The following DTHD1 variants were observed in gnomAD, a reference collection of about 807,000 sequenced individuals.
DTHD1 encodes the protein death domain containing 1, also known as death domain-containing protein 1.
A neutral mutation model predicts 74.8 loss-of-function variants in DTHD1; 59 were observed. The ratio of observed to expected loss-of-function variants is 0.79; its 90% confidence interval spans 0.64 to 0.98. The LOEUF (loss-of-function observed/expected upper bound fraction) is 0.98, where lower values mean the gene tolerates loss of function less well. Ranked by LOEUF, DTHD1 falls within the 50% of genes least tolerant of loss-of-function variation. The pLI, the probability that DTHD1 is intolerant of heterozygous loss-of-function variation, is 0.00. For missense variants in DTHD1, 1,051 were observed against 1,065.4 expected (o/e 0.99, Z 0.19); for synonymous variants, 365 against 371.1 (o/e 0.98, Z 0.19).
intron 1 of DTHD1, among the ~76,000 whole-genome samples, chr4:36,282,552 T>A (rs962243507): frequency 1.3e-5 from 2 of 152,180 alleles, no homozygotes; most frequent in African/African-American, 4.8e-5. Context: ...TGGATCCCCA[T>A]GCACTGGGGC....
chr4:36,287,093 C>T (rs538321690), intron 2 of DTHD1, among the ~76,000 whole-genome samples: 2 of 152,142 alleles, frequency 1.3e-5, no homozygotes, highest in South Asian at 4.1e-4. Context: ...GCAGTGTACA[C>T]TGTACCCAAT....
intron 8 of DTHD1, among the ~76,000 whole-genome samples, chr4:36,335,326 T>A (rs1278133802): frequency 6.6e-6 from 1 of 152,036 alleles, no homozygotes; most frequent in Non-Finnish European, 1.5e-5. Flanking sequence ...CAGGCTCAGG[T>A]GATCCTCCTC....
At chr4:36,317,111 C>T (rs1456607512) in intron 8 of DTHD1, among the ~76,000 whole-genome samples, 3 of 152,128 alleles carry the variant, frequency 2.0e-5, no homozygotes, top group African/African-American at 7.2e-5. Flanking sequence ...GAGGTAAAAA[C>T]AAACTTCTTA....
chr4:36,325,095 G>A (rs1758266207), intron 8 of DTHD1, among the ~76,000 whole-genome samples: 1 of 152,190 alleles, frequency 6.6e-6, no homozygotes, highest in Non-Finnish European at 1.5e-5. Context: ...TGTCATGTTG[G>A]AAATAAGCTG....
chr4:36,290,357 CT>C lies in DTHD1; in HGVS notation c.888-11del, dbSNP rs1353798168. 6.5e-7 allele frequency: 1 copy of C among 1,529,378 alleles called. No homozygotes were observed. The highest frequency in any genetic ancestry group is 8.8e-7 in the Non-Finnish European group (1 of 1,134,940). The allele number at this position is 1,529,378 out of a possible 1,614,324, so 94.7% of individuals were successfully genotyped here. Reference sequence around the variant, plus strand: ...ATCAAATAATTGGAAAAATGACATTCTTTTTCCCCCTCCAGGTATCTTGATG... The same window carrying C: ...ATCAAATAATTGGAAAAATGACATTCTTTTCCCCCTCCAGGTATCTTGATG... On this transcript the variant is annotated splice_polypyrimidine_tract_variant and intron_variant, in intron 2 of 9. Coordinates refer to ENST00000639862, the MANE Select transcript of DTHD1 (RefSeq NM_001170700.3).
chr4:36,325,747 G>A (rs1366188008), intron 8 of DTHD1, among the ~76,000 whole-genome samples: 1 of 152,170 alleles, frequency 6.6e-6, no homozygotes, highest in Non-Finnish European at 1.5e-5. Flanking sequence ...CTACTGTCCT[G>A]TGATATAATA....
intron 4 of DTHD1, among the ~76,000 whole-genome samples, chr4:36,294,550 T>C (rs1378861152): frequency 1.3e-5 from 2 of 152,008 alleles, no homozygotes; most frequent in Non-Finnish European, 2.9e-5. Context: ...GTCTGTTTCT[T>C]AGTTATTTAT....
intron 7 of DTHD1, among the ~76,000 whole-genome samples, chr4:36,309,885 C>T (rs1412122385): frequency 3.3e-5 from 5 of 152,176 alleles, no homozygotes; most frequent in Non-Finnish European, 5.9e-5. Flanking sequence ...TCTCCAGTTT[C>T]TATTGTTGCC....
At chr4:36,289,312 G>C (rs1438082486) in intron 2 of DTHD1, among the ~76,000 whole-genome samples, 1 of 152,118 alleles carries the variant, frequency 6.6e-6, no homozygotes, top group African/African-American at 2.4e-5. Context: ...ATTATTGTAA[G>C]TTTAAATGTT....
Position 36,345,571 on chromosome 4 carries a change from C to T in DTHD1, c.*1747C>T, listed in dbSNP as rs537695180. The T allele has an allele frequency of 4.6e-5, 7 of 152,138 alleles. No individual in the cohort carries two copies. Among genetic ancestry groups the T allele is most frequent in the South Asian group, 2.1e-4 (1 of 4,818 alleles). 9.4% of individuals were successfully genotyped at this position (152,138 alleles called of 1,614,324 possible). ...CTATTCAGGTATATATCAAAAAAGG[C>T]GATTCCCATTTTCAAACATAGTCCC... On this transcript the variant is annotated 3_prime_UTR_variant, in exon 10 of 10. Coordinates refer to ENST00000639862, the MANE Select transcript of DTHD1 (RefSeq NM_001170700.3).
chr4:36,313,428 A>T (rs1757515175), intron 7 of DTHD1, among the ~76,000 whole-genome samples: 1 of 151,716 alleles, frequency 6.6e-6, no homozygotes, highest in Non-Finnish European at 1.5e-5. Context: ...AAAAAAAAAA[A>T]AAAACAGAGT....
intron 5 of DTHD1, among the ~76,000 whole-genome samples, chr4:36,300,493 C>T (rs571993473): frequency 6.6e-6 from 1 of 152,234 alleles, no homozygotes; most frequent in South Asian, 2.1e-4. Flanking sequence ...TAGCTGCAAC[C>T]CTGACTTCAC....
At chr4:36,320,708 C>T (rs144805856) in intron 8 of DTHD1, among the ~76,000 whole-genome samples, 5 of 152,266 alleles carry the variant, frequency 3.3e-5, no homozygotes, top group African/African-American at 9.6e-5. Flanking sequence ...GAAACTATGA[C>T]ATTTAGTTTT....
At chr4:36,282,063 T>C in intron 1 of DTHD1, 34 bp downstream of exon 1, 1 of 1,493,814 alleles carries the variant, frequency 6.7e-7, no homozygotes, top group Non-Finnish European at 9.0e-7. Context: ...ATTCTTTCTC[T>C]AAGAAATATT....
chr4:36,323,946 C>T (rs960362029), intron 8 of DTHD1, among the ~76,000 whole-genome samples: 1 of 152,112 alleles, frequency 6.6e-6, no homozygotes, highest in Non-Finnish European at 1.5e-5. Flanking sequence ...ACATGTTATC[C>T]TCATGTCTGC....
Position 36,306,328 on chromosome 4 carries a change from T to C in DTHD1, c.1781T>C (p.Val594Ala). The change falls in exon 6 of 10, where the codon GTT (valine) becomes GCT (alanine). Residue 594 changes from valine (V) to alanine (A), a missense_variant. Val to Ala is a moderately conservative substitution (Grantham distance 64). Transcript: ENST00000639862. Reference protein sequence around the residue: ...VKTIQSGLVSVELYEHLERFI... With the variant: ...VKTIQSGLVSAELYEHLERFI... ...ACCATACAGAGCGGCTTGGTATCAG[T>C]TGAATTGTATGAACATTTGGAGAGG... The C allele has an allele frequency of 1.3e-6, 2 of 1,550,250 alleles. No homozygotes were observed. The highest frequency in any genetic ancestry group is 1.7e-6 in the Non-Finnish European group (2 of 1,146,270).
At chr4:36,339,025 G>A (rs1055075891) in intron 8 of DTHD1, 87 bp from the exon 9 acceptor site, 23 of 1,068,020 alleles carry the variant, frequency 2.2e-5, no homozygotes, top group Non-Finnish European at 2.9e-5. Context: ...CTTCGAAACA[G>A]AGATGATGTT....
At chr4:36,293,203 C>T (rs1056637384) in intron 3 of DTHD1, among the ~76,000 whole-genome samples, 5 of 152,124 alleles carry the variant, frequency 3.3e-5, no homozygotes, top group African/African-American at 9.7e-5. Flanking sequence ...CTAATGGAGG[C>T]TAGAATTCTA....
intron 5 of DTHD1, among the ~76,000 whole-genome samples, chr4:36,300,375 T>C (rs13139080): frequency 0.3 from 45,818 of 151,986 alleles, 7,288 homozygotes; most frequent in African/African-American, 0.39. Context: ...GACAGTGTCA[T>C]GTTCTGCTCA....
Sources: gnomAD v4.1 joint callset for allele counts (sites outside exome capture counted in the v4.1 genomes callset) on GRCh38, gnomAD v4.1.1 for gene constraint, MANE v1.5 for transcripts, NCBI Gene and HGNC (gene_info 2026-07-23, HGNC 2026-07-21) for gene names.